The following AVEN variants were observed in gnomAD, a reference collection of about 807,000 sequenced individuals.
AVEN encodes the protein cell death regulator Aven.
A neutral mutation model predicts 38.1 loss-of-function variants in AVEN; 41 were observed. That is an observed-to-expected ratio of 1.08 (90% CI 0.84 to 1.40). The LOEUF (loss-of-function observed/expected upper bound fraction) is 1.40, where lower values mean the gene tolerates loss of function less well. Ranked by LOEUF, AVEN falls within the 40% of genes most tolerant of loss-of-function variation. The pLI is 0.00. For synonymous variants in AVEN, 206 were observed against 171.8 expected (o/e 1.20, Z -1.56); for missense variants, 605 against 438.8 (o/e 1.38, Z -3.38).
chr15:33,917,565 C>T (rs201829524), intron 2 of AVEN, among the ~76,000 whole-genome samples: 1 of 29,678 alleles, frequency 3.4e-5, no homozygotes, highest in African/African-American at 6.7e-5. Flanking sequence ...TGTATGTATA[C>T]ACACACACAC....
chr15:33,894,186 G>A (rs1026430632), intron 2 of AVEN, among the ~76,000 whole-genome samples: 1 of 151,946 alleles, frequency 6.6e-6, no homozygotes, highest in Non-Finnish European at 1.5e-5. Flanking sequence ...TTGACCTTAG[G>A]TGATCTGCCC....
chr15:34,047,722 G>A (rs1899763317), intron 5 of AVEN, among the ~76,000 whole-genome samples: 3 of 152,014 alleles, frequency 2.0e-5, no homozygotes, highest in Admixed American at 6.6e-5. Flanking sequence ...TGCTTTGTCA[G>A]TTGGTGGCCA....
At chr15:33,986,878 C>T (rs1400406086) in intron 2 of AVEN, among the ~76,000 whole-genome samples, 2 of 152,048 alleles carry the variant, frequency 1.3e-5, no homozygotes, top group Non-Finnish European at 2.9e-5. Context: ...AGGATGGTCT[C>T]GATCTCCTGA....
chr15:33,927,213 C>T (rs1445767139), intron 2 of AVEN, among the ~76,000 whole-genome samples: 1 of 151,698 alleles, frequency 6.6e-6, no homozygotes, highest in Admixed American at 6.6e-5. Flanking sequence ...CAAGATCATG[C>T]CACTGCACTC....
Position 33,867,798 on chromosome 15 carries a change from C to A in AVEN, c.670G>T (p.Gly224Ter). Residue 224 changes from glycine (G) to a stop codon, truncating the protein, a stop_gained, in exon 5 of 6, where the codon GGA (glycine) becomes TGA (stop). Coordinates refer to ENST00000306730, the MANE Select transcript of AVEN (RefSeq NM_020371.3). LOFTEE classifies it high-confidence loss of function. ...VKPKRTDDGK[G>*]LGMQLKGPLG... ...GGCCCCTTTAACTGCATCCCTAATC[C>A]CTTGCCATCATCAGTTCTCTTTGGT... The A allele has an allele frequency of 6.2e-7, 1 of 1,612,484 alleles. No individual in the cohort carries two copies. Among genetic ancestry groups the A allele is most frequent in the Non-Finnish European group, 8.5e-7 (1 of 1,179,510 alleles).
rs79770908 is a variant in AVEN, at chr15:34,070,459, T to C, written n.784+129A>G. On this transcript the variant is annotated intron_variant and non_coding_transcript_variant, in intron 2 of 11. Transcript: ENST00000675287. ...CCATATAGTTTTATTTTAATGTTTT[T>C]AGTTTAAGAAAATATCTACTGACTT... 3.7e-4 allele frequency among the ~76,000 whole-genome samples: 56 copies of C among 152,292 alleles called. 1 individual carries two copies. In the East Asian group the frequency reaches 9.8e-3, roughly 27 times the overall value.
At chr15:33,982,160 C>A (rs1896180330) in intron 2 of AVEN, among the ~76,000 whole-genome samples, 1 of 152,092 alleles carries the variant, frequency 6.6e-6, no homozygotes, top group Admixed American at 6.6e-5. Flanking sequence ...AACCACCACA[C>A]CCAGCACTAA....
At chr15:34,059,028 C>T (rs1900250483) in intron 5 of AVEN, among the ~76,000 whole-genome samples, 1 of 152,150 alleles carries the variant, frequency 6.6e-6, no homozygotes, top group African/African-American at 2.4e-5. Context: ...TCCCAAGTAG[C>T]TAAGATTACA....
At chr15:34,069,958 C>T (rs1900594800) in intron 2 of AVEN, among the ~76,000 whole-genome samples, 1 of 152,110 alleles carries the variant, frequency 6.6e-6, no homozygotes, top group Non-Finnish European at 1.5e-5. Context: ...ATCCCATTCC[C>T]ACCTGTATTA....
chr15:34,066,814 C>CA (rs34150283), intron 2 of AVEN: 109,357 of 147,518 alleles, frequency 0.74, 41,471 homozygotes, highest in Non-Finnish European at 0.84. Context: ...GACCCTGCCT[C>CA]AAAAAAAAAA....
intron 1 of AVEN, among the ~76,000 whole-genome samples, chr15:34,004,818 TAATAG>T (rs1022605174): frequency 2.6e-5 from 4 of 152,156 alleles, no homozygotes; most frequent in Admixed American, 1.3e-4. Context: ...AATTTTTTCA[TAATAG>T]AATATTAAAT....
intron 2 of AVEN, among the ~76,000 whole-genome samples, chr15:33,876,623 C>T (rs1379550129): frequency 1.3e-5 from 2 of 152,096 alleles, no homozygotes; most frequent in South Asian, 4.2e-4. Flanking sequence ...TTAATAAGAC[C>T]TTGTATTTGT....
In AVEN at chr15:33,875,959, T is replaced by TTC; in HGVS notation, c.480_481dup (p.Lys161ArgfsTer50). On this transcript the variant is annotated frameshift_variant, in exon 3 of 6. Transcript: ENST00000306730. LOFTEE classifies it high-confidence loss of function. The stretch of plus-strand genomic sequence containing the variant: ...ACAAGAAGCTTCACTATCCCATTCT[T>TTC]TCTCCTCAGCAAACCGGAACTGTGA... The TTC allele has an allele frequency of 6.2e-7, 1 of 1,613,792 alleles. No individual in the cohort carries two copies. Among genetic ancestry groups the TTC allele is most frequent in the African/African-American group, 1.3e-5 (1 of 75,046 alleles).
chr15:34,016,850 C>A (rs1410624448), intron 1 of AVEN, among the ~76,000 whole-genome samples: 1 of 152,124 alleles, frequency 6.6e-6, no homozygotes, highest in African/African-American at 2.4e-5. Flanking sequence ...TGCCAACACC[C>A]ACGTGTGGTG....
intron 2 of AVEN, among the ~76,000 whole-genome samples, chr15:33,916,536 T>G (rs896385864): frequency 6.6e-6 from 1 of 151,980 alleles, no homozygotes; most frequent in African/African-American, 2.4e-5. Context: ...AGGACATGAA[T>G]AGACAATTTT....
intron 2 of AVEN, among the ~76,000 whole-genome samples, chr15:33,985,913 A>G (rs1896426392): frequency 6.6e-6 from 1 of 152,156 alleles, no homozygotes; most frequent in African/African-American, 2.4e-5. Flanking sequence ...AAGGTTCATG[A>G]TTCTCTCAAG....
intron 2 of AVEN, among the ~76,000 whole-genome samples, chr15:33,905,149 A>C (rs982568497): frequency 7.5e-6 from 1 of 133,744 alleles, no homozygotes; most frequent in African/African-American, 2.6e-5. Flanking sequence ...AAAAAAAAAA[A>C]AAAAACTACT....
chr15:33,983,376 C>G (rs2140534918), intron 2 of AVEN, among the ~76,000 whole-genome samples: 1 of 151,560 alleles, frequency 6.6e-6, no homozygotes, highest in South Asian at 2.1e-4. Flanking sequence ...CCTCATTAAC[C>G]CCATTCAGTT....
At chr15:33,875,548 A>G (rs1891185415) in intron 3 of AVEN, among the ~76,000 whole-genome samples, 1 of 152,222 alleles carries the variant, frequency 6.6e-6, no homozygotes, top group Non-Finnish European at 1.5e-5. Flanking sequence ...GGTTTTCTCA[A>G]CCTAACACCA....
Sources: allele counts gnomAD v4.1 joint callset (sites outside exome capture counted in the v4.1 genomes callset), GRCh38; gene constraint gnomAD v4.1.1; transcripts MANE v1.5; gene names NCBI Gene and HGNC (gene_info 2026-07-23, HGNC 2026-07-21).